The following TENM2 variants were observed in gnomAD, a reference collection of about 807,000 sequenced individuals.
TENM2 encodes teneurin transmembrane protein 2.
In TENM2, 52 loss-of-function variants were observed where a neutral mutation model predicts 245.2. The observed-to-expected ratio is 0.21, with a 90% CI of 0.17 to 0.27. TENM2 has a LOEUF of 0.27. TENM2 is among the 10% of genes least tolerant of loss of function. TENM2 has a pLI of 1.00. For missense variants in TENM2, 3,046 were observed against 3,666.8 expected, an observed-to-expected ratio of 0.83 and a Z score of 4.37; for synonymous variants, 1,363 against 1,438.9, an observed-to-expected ratio of 0.95 and a Z score of 1.19.
intron 2 of TENM2, among the ~76,000 whole-genome samples, chr5:167,806,552 C>A (rs1766191205): frequency 6.6e-6 from 1 of 151,952 alleles, no homozygotes; most frequent in Non-Finnish European, 1.5e-5. Context: ...GAAGATGGCC[C>A]CCAGCAACTC....
At chr5:167,161,378 C>T in the TENM2 span, among the ~76,000 whole-genome samples, 1 of 152,278 alleles carries the variant, frequency 6.6e-6, no homozygotes, top group East Asian at 1.9e-4. Flanking sequence ...ATCCTAGTAT[C>T]TTTTAAAAGT....
At chr5:167,262,635 G>T in the TENM2 span, among the ~76,000 whole-genome samples, 1 of 152,074 alleles carries the variant, frequency 6.6e-6, no homozygotes, top group Admixed American at 6.6e-5. Flanking sequence ...AGCAAACTTG[G>T]AAAGTTAAAG....
At chr5:168,222,494 T>C (rs1456985827) in intron 23 of TENM2, among the ~76,000 whole-genome samples, 1 of 152,238 alleles carries the variant, frequency 6.6e-6, no homozygotes, top group Non-Finnish European at 1.5e-5. Context: ...AGAGTGATTT[T>C]ACAGAATAAG....
chr5:167,351,406 T>A (rs1178097791), intron 1 of TENM2, among the ~76,000 whole-genome samples: 1 of 152,074 alleles, frequency 6.6e-6, no homozygotes, highest in African/African-American at 2.4e-5. Flanking sequence ...GGTTTTTAAG[T>A]TCTCTTGTTT....
rs534238685 is a variant in TENM2 at position 167,683,138 on chromosome 5, A to G, written c.503-192848A>G. 3.9e-5 allele frequency among the ~76,000 whole-genome samples: 6 copies of G among 152,262 alleles called. No individual in the cohort carries two copies. The South Asian group carries it at 1.2e-3, about 32-fold the overall frequency. Reference sequence around the variant, plus strand: ...CTAATGGATAATAATAATAGCAACTACACTTATTTCTTTCACAGCAATTAT... The same window carrying G: ...CTAATGGATAATAATAATAGCAACTGCACTTATTTCTTTCACAGCAATTAT... On this transcript the variant is annotated intron_variant, in intron 2 of 28. Coordinates refer to ENST00000518659, the Ensembl canonical transcript of TENM2.
chr5:167,805,206 A>C (rs529827637), intron 2 of TENM2, among the ~76,000 whole-genome samples: 25 of 152,164 alleles, frequency 1.6e-4, no homozygotes, highest in African/African-American at 5.8e-4. Flanking sequence ...CGTGTCACTG[A>C]ACAGATAAAC....
At chr5:168,109,120 C>T (rs1339218608) in intron 9 of TENM2, among the ~76,000 whole-genome samples, 4 of 152,252 alleles carry the variant, frequency 2.6e-5, no homozygotes, top group East Asian at 1.9e-4. Flanking sequence ...CCCAAAAGAA[C>T]GTCCCTCAGC....
rs116836025 is a variant in TENM2, at chr5:167,693,576, G to A, written c.503-182410G>A. Among the ~76,000 whole-genome samples, 275 of 144,512 alleles carry A rather than the reference G, an allele frequency of 1.9e-3. 1 individual carries two copies. The highest frequency in any genetic ancestry group is 6.8e-3 in the African/African-American group (262 of 38,608). The allele number at this position is 144,512 out of a possible 152,430, so 94.8% of individuals were successfully genotyped here. A position where few individuals can be genotyped will look rare whatever the true frequency, so the allele number is the denominator to read the frequency against. ...TGGAAGACTGGGTAACTGTCATAAT[G>A]CCAAACATCGGTGCTCCTCTCCCTC... On this transcript the variant is annotated intron_variant, in intron 2 of 28. Coordinates refer to ENST00000518659, the Ensembl canonical transcript of TENM2.
chr5:167,527,784 G>T (rs186271265), intron 2 of TENM2, among the ~76,000 whole-genome samples: 1 of 152,208 alleles, frequency 6.6e-6, no homozygotes, highest in Admixed American at 6.6e-5. Flanking sequence ...AATGCTTATT[G>T]GATGAAGGTT....
the TENM2 span, among the ~76,000 whole-genome samples, chr5:167,274,495 G>T: frequency 6.6e-6 from 1 of 151,992 alleles, no homozygotes; most frequent in Admixed American, 6.6e-5. Flanking sequence ...ATGAACATAA[G>T]TTTTCATTTC....
chr5:167,363,925 TAAATG>T (rs1759879099), intron 1 of TENM2, among the ~76,000 whole-genome samples: 1 of 151,986 alleles, frequency 6.6e-6, no homozygotes, highest in African/African-American at 2.4e-5. Flanking sequence ...ATCAGTTTTA[TAAATG>T]AAATGCAAAT....
intron 2 of TENM2, among the ~76,000 whole-genome samples, chr5:167,492,060 A>G (rs1307099399): frequency 1.3e-5 from 2 of 152,202 alleles, no homozygotes; most frequent in East Asian, 3.9e-4. Flanking sequence ...AGTTTCTTCA[A>G]TGTAAAACTT....
intron 1 of TENM2, among the ~76,000 whole-genome samples, chr5:167,307,094 A>G (rs554207877): frequency 2.6e-4 from 39 of 152,228 alleles, no homozygotes; most frequent in Non-Finnish European, 4.4e-4. Flanking sequence ...CAGAGGGAAG[A>G]AATCAAATCC....
chr5:167,345,413 C>T (rs933446094), intron 1 of TENM2, among the ~76,000 whole-genome samples: 4 of 152,306 alleles, frequency 2.6e-5, no homozygotes, highest in South Asian at 2.1e-4. Flanking sequence ...ACATCATTTA[C>T]GCACCCAGGG....
the TENM2 span, among the ~76,000 whole-genome samples, chr5:167,248,423 G>A: frequency 4.6e-5 from 7 of 152,144 alleles, no homozygotes; most frequent in African/African-American, 1.7e-4. Context: ...AACACAGATT[G>A]CAGGCCCCGC....
chr5:167,704,373 T>A (rs1758362539), intron 2 of TENM2, among the ~76,000 whole-genome samples: 1 of 152,178 alleles, frequency 6.6e-6, no homozygotes. Context: ...GCTACAACCA[T>A]GGCACATCTT....
intron 2 of TENM2, among the ~76,000 whole-genome samples, chr5:167,690,793 A>AAGGAAAT (rs1251239627): frequency 1.2e-4 from 19 of 152,196 alleles, no homozygotes; most frequent in African/African-American, 4.1e-4. Flanking sequence ...CACCGCTTAA[A>AAGGAAAT]AGGAAATACC....
chr5:168,059,315 G>A (rs1789830949), intron 6 of TENM2, among the ~76,000 whole-genome samples: 1 of 152,116 alleles, frequency 6.6e-6, no homozygotes. Context: ...AATCCATTCA[G>A]GTTTCCACAG....
At chr5:168,084,560 C>G (rs1211333797) in intron 7 of TENM2, among the ~76,000 whole-genome samples, 2 of 152,124 alleles carry the variant, frequency 1.3e-5, no homozygotes, top group African/African-American at 2.4e-5. Flanking sequence ...TATGCAAAGG[C>G]AGGATTAACA....
Sources: gnomAD v4.1 joint callset for allele counts (sites outside exome capture counted in the v4.1 genomes callset) on GRCh38, gnomAD v4.1.1 for gene constraint, MANE v1.5 for transcripts, NCBI Gene and HGNC (gene_info 2026-07-23, HGNC 2026-07-21) for gene names.